EML5: variants seen among roughly 807,000 people sequenced by gnomAD.
The protein encoded by EML5 is echinoderm microtubule-associated protein-like 5.
A neutral mutation model predicts 250.0 loss-of-function variants in EML5; 120 were observed. The observed-to-expected ratio is 0.48, with a 90% confidence interval of 0.41 to 0.56. The LOEUF is 0.56. Ranked by LOEUF, EML5 falls within the 20% of genes least tolerant of loss-of-function variation. The probability of loss-of-function intolerance (pLI) is 0.00; values close to 1 mark genes in which losing one functional copy is unlikely to be tolerated. For synonymous variants in EML5, 771 were observed against 806.5 expected (o/e 0.96, Z 0.75); for missense variants, 2,006 against 2,437.6 (o/e 0.82, Z 3.73).
chr14:88,647,687 C>CAAAAAAAAAAAAAAA (rs34191990), intron 28 of EML5, among the ~76,000 whole-genome samples: 5 of 48,754 alleles, frequency 1.0e-4, no homozygotes, highest in African/African-American at 3.7e-4. Context: ...GAGACCGTCT[C>CAAAAAAAAAAAAAAA]AAAAAAAAAA....
In EML5 at chr14:88,614,467, G is replaced by C. The variant is rs2087290504; in HGVS notation, c.*1351C>G. ...TAGTATTAACCAAGTATTAGACACA[G>C]AAAATAGGTATTAAGAATCTTCATA... On this transcript the variant is annotated 3_prime_UTR_variant, in exon 44 of 44. Coordinates refer to ENST00000554922, the MANE Select transcript of EML5 (RefSeq NM_183387.3). 1 of 152,118 alleles carries C rather than the reference G, an allele frequency of 6.6e-6. No homozygotes were observed. Among genetic ancestry groups the C allele is most frequent in the Admixed American group, 6.5e-5 (1 of 15,272 alleles). 9.4% of individuals were successfully genotyped at this position (152,118 alleles called of 1,614,324 possible).
Position 88,643,035 on chromosome 14 carries a change from T to G in EML5, c.4108-13A>C, listed in dbSNP as rs764410502. The G allele has an allele frequency of 2.6e-6, 4 of 1,557,048 alleles. No individual in the cohort carries two copies. In the African/African-American group the frequency reaches 4.2e-5, roughly 16 times the overall value. On this transcript the variant is annotated splice_polypyrimidine_tract_variant and intron_variant, in intron 30 of 43. Transcript: ENST00000554922. ...CCAACACAAGGTCCTATAATGATAA[T>G]AATAAAACCATTATATTCTTCCTCA...
At chr14:88,644,557 GCCTT>G in intron 29 of EML5, 46 bp from the exon 30 acceptor site, 4 of 1,563,900 alleles carry the variant, frequency 2.6e-6, no homozygotes, top group Non-Finnish European at 3.5e-6. Flanking sequence ...AGCACTCAGT[GCCTT>G]CACTGAGCCT....
intron 20 of EML5, among the ~76,000 whole-genome samples, chr14:88,684,423 G>A (rs975341932): frequency 7.0e-6 from 1 of 143,274 alleles, no homozygotes; most frequent in African/African-American, 2.6e-5. Context: ...GCCCGCCTCG[G>A]CCTCCCAAAG....
chr14:88,730,922 C>T lies in EML5; in HGVS notation c.1050-4244G>A, dbSNP rs1388384451. ...TTATTCATTGTATTATTCTTTAGCA[C>T]GTACTTAGTGAAGAAAAAAATAAGA... is the stretch of plus-strand genomic sequence containing the variant. On this transcript the variant is annotated intron_variant, in intron 7 of 43. Transcript: ENST00000554922. 5.3e-5 allele frequency among the ~76,000 whole-genome samples: 8 copies of T among 151,756 alleles called. No homozygotes were observed. The East Asian group carries it at 9.6e-4, about 18-fold the overall frequency.
In EML5 at chr14:88,620,808, G is replaced by C; in HGVS notation, c.5321C>G (p.Ser1774Cys). The change falls in exon 39 of 44, where the codon TCT becomes TGT. Residue 1774 changes from serine to cysteine, a missense_variant. This residue lies in a region of EML5 where 405 missense variants were observed against 523.3 expected (regional missense o/e 0.77). Coordinates refer to ENST00000554922, the MANE Select transcript of EML5 (RefSeq NM_183387.3). The surrounding 1 kb of genome is among the most constrained non-coding windows in gnomAD (Gnocchi z 4.3). ...NGEFIILLVS[S>C]LKIWGKKRDR... is the part of the protein sequence containing the mutation. ...TCTCTTCTTTCCCCATATTTTTAGA[G>C]AACTCACTAGTAAAATGATAAATTC... 2 of 1,607,492 alleles carry C rather than the reference G, an allele frequency of 1.2e-6. No individual in the cohort carries two copies. Among genetic ancestry groups the C allele is most frequent in the Non-Finnish European group, 1.7e-6 (2 of 1,177,618 alleles).
At chr14:88,771,000 A>G (rs1049957542) in intron 1 of EML5, among the ~76,000 whole-genome samples, 1 of 152,216 alleles carries the variant, frequency 6.6e-6, no homozygotes, top group Non-Finnish European at 1.5e-5. Context: ...AGTTGCTTTA[A>G]GTATTTAATC....
chr14:88,616,976 T>C lies in EML5; in HGVS notation c.5643-97A>G, dbSNP rs1257938449. 4 of 1,132,416 alleles carry C rather than the reference T, an allele frequency of 3.5e-6. No homozygotes were observed. In the African/African-American group the frequency reaches 6.2e-5, roughly 18 times the overall value. The allele number at this position is 1,132,416 out of a possible 1,614,324, so 70.1% of individuals were successfully genotyped here. ...TGGCAATTAATCTCTAAGTACCCTA[T>C]CATGTTACTTAAAATACAGGAAGTA... On this transcript the variant is annotated intron_variant, in intron 41 of 43. Transcript: ENST00000554922.
intron 19 of EML5, 27 bp downstream of exon 19, chr14:88,687,189 C>T: frequency 6.4e-7 from 1 of 1,551,056 alleles, no homozygotes; most frequent in Non-Finnish European, 8.8e-7. Context: ...TTTTCCTATA[C>T]AAAAACCCCA....
chr14:88,746,113 T>A, intron 3 of EML5, 72 bp downstream of exon 3: 1 of 1,241,772 alleles, frequency 8.1e-7, no homozygotes, highest in Non-Finnish European at 1.1e-6. Flanking sequence ...TACAGAAGAA[T>A]AAAATCTCCT....
intron 21 of EML5, among the ~76,000 whole-genome samples, chr14:88,667,375 G>A (rs546122036): frequency 6.6e-6 from 1 of 152,158 alleles, no homozygotes; most frequent in Non-Finnish European, 1.5e-5. Context: ...AAGAATATAA[G>A]ACCGTGACTA....
At chr14:88,746,520 T>C (rs1046309129) in intron 2 of EML5, among the ~76,000 whole-genome samples, 3 of 152,162 alleles carry the variant, frequency 2.0e-5, no homozygotes, top group Admixed American at 6.6e-5. Flanking sequence ...AACAGTAGGA[T>C]TGACAAAATA....
rs763767024 is a variant in EML5 at position 88,626,990 on chromosome 14, G to A, written c.4588C>T (p.Arg1530Ter). 1.9e-6 allele frequency: 3 copies of A among 1,613,642 alleles called. No homozygotes were observed. Among genetic ancestry groups the A allele is most frequent in the South Asian group, 2.2e-5 (2 of 91,066 alleles). Residue 1530 changes from arginine (R) to a stop codon, truncating the protein, a stop_gained, in exon 35 of 44, where the codon CGA becomes TGA. Coordinates refer to ENST00000554922, the MANE Select transcript of EML5 (RefSeq NM_183387.3). LOFTEE classifies it high-confidence loss of function. The part of the protein sequence containing the change: ...HNQRIFVAEF[R>*]PDSDTQFVSV... ...ACAAACTGGGTATCTGAATCTGGTC[G>A]GAATTCTGCCACAAAAATACGTTGA... is the stretch of plus-strand genomic sequence containing the variant.
chr14:88,626,793 T>A (rs1408738599), intron 35 of EML5, 45 bp downstream of exon 35: 1 of 1,592,852 alleles, frequency 6.3e-7, no homozygotes, highest in Non-Finnish European at 8.6e-7. Flanking sequence ...GGCAAGAGAA[T>A]GTAAAGTAGT....
chr14:88,642,454 T>A (rs544972814), intron 31 of EML5, among the ~76,000 whole-genome samples: 14 of 152,188 alleles, frequency 9.2e-5, no homozygotes, highest in South Asian at 6.2e-4. Context: ...CCTTTCTTCC[T>A]TGGCTTTCCA....
At chr14:88,756,560 T>C (rs1002104594) in intron 1 of EML5, among the ~76,000 whole-genome samples, 2 of 152,214 alleles carry the variant, frequency 1.3e-5, no homozygotes, top group Admixed American at 1.3e-4. Flanking sequence ...GCAGATGATA[T>C]GATCATATAT....
chr14:88,652,963 C>T (rs1430562191), intron 27 of EML5, among the ~76,000 whole-genome samples: 1 of 152,134 alleles, frequency 6.6e-6, no homozygotes, highest in African/African-American at 2.4e-5. Flanking sequence ...TTTGTGTCCT[C>T]TCCTATTTCC....
At position 88,715,576 on chromosome 14, in the gene EML5, AT is replaced by A. The variant is rs371170654; in HGVS notation, c.1188-382del. Among the ~76,000 whole-genome samples, 36 of 151,426 alleles carry A rather than the reference AT, an allele frequency of 2.4e-4. 1 individual carries two copies. The highest frequency in any genetic ancestry group is 7.8e-4 in the East Asian group (4 of 5,160). ...ATTTAAACACTATAATTTTCAAACAATTTTTTTTTGTAAGGAGCTAAATGTG... is the reference window on the plus strand; with the variant it reads ...ATTTAAACACTATAATTTTCAAACAATTTTTTTTGTAAGGAGCTAAATGTG... On this transcript the variant is annotated intron_variant, in intron 8 of 43. Coordinates refer to ENST00000554922, the MANE Select transcript of EML5 (RefSeq NM_183387.3).
chr14:88,627,996 G>T (rs768279814), intron 33 of EML5, 177 bp from the exon 34 acceptor site: 56 of 713,042 alleles, frequency 7.9e-5, no homozygotes, highest in Non-Finnish European at 1.3e-4. Flanking sequence ...GAGTTTTGGG[G>T]GTGGGGAGGA....
Sources: gnomAD v4.1 joint callset for allele counts (sites outside exome capture counted in the v4.1 genomes callset) on GRCh38, gnomAD v4.1.1 for gene constraint, gnomAD v4.1.1 regional missense constraint, Gnocchi (gnomAD v3.1) non-coding constraint, MANE v1.5 for transcripts, NCBI Gene and HGNC (gene_info 2026-07-23, HGNC 2026-07-21) for gene names.